Variants in LIPN observed in about 807,000 individuals in gnomAD.
LIPN encodes the protein lipase family member N, also known as lipase member N.
A neutral mutation model predicts 43.7 loss-of-function variants in LIPN; 32 were observed. That is an observed-to-expected ratio of 0.73 (90% CI 0.55 to 0.98). The LOEUF (loss-of-function observed/expected upper bound fraction) is 0.98, where lower values mean the gene tolerates loss of function less well. Ranked by LOEUF, LIPN falls within the 50% of genes least tolerant of loss-of-function variation. The pLI is 0.00. For missense variants in LIPN, 505 were observed against 483.8 expected (o/e 1.04, Z -0.41); for synonymous variants, 156 against 157.6 (o/e 0.99, Z 0.08).
rs770938795 is a variant in LIPN at position 88,764,483 on chromosome 10, TG to T, written c.302del (p.Gly101GlufsTer7). On this transcript the variant is annotated frameshift_variant, in exon 4 of 10. Coordinates refer to ENST00000404459, the MANE Select transcript of LIPN (RefSeq NM_001102469.2). LOFTEE classifies it high-confidence loss of function. ...NAYWLENYAN[G>X]SLGFLLADAG... is the part of the protein sequence containing the mutation. Reference sequence around the variant, plus strand: ...CCTACTGGCTTGAGAATTATGCTAATGGAAGCCTTGGATTCCTTCTAGCAGA... The same window carrying T: ...CCTACTGGCTTGAGAATTATGCTAATGAAGCCTTGGATTCCTTCTAGCAGA... 187 of 1,612,306 alleles carry T rather than the reference TG, an allele frequency of 1.2e-4. No individual in the cohort carries two copies. Among genetic ancestry groups the T allele is most frequent in the Middle Eastern group, 8.2e-4 (5 of 6,076 alleles).
At chr10:88,775,750 ATT>A (rs1307244729) in intron 9 of LIPN, among the ~76,000 whole-genome samples, 1 of 151,964 alleles carries the variant, frequency 6.6e-6, no homozygotes, top group Admixed American at 6.6e-5. Context: ...TCCTGTCACC[ATT>A]TTTCTGTTCT....
chr10:88,761,601 C>A, intron 2 of LIPN, 88 bp downstream of exon 2: 1 of 858,262 alleles, frequency 1.2e-6, no homozygotes, highest in Admixed American at 2.2e-5. Context: ...AACAGAAAAT[C>A]TCTGATAAAA....
Position 88,764,574 on chromosome 10 carries a change from C to G in LIPN, c.391C>G (p.Leu131Val). 6.2e-7 allele frequency: 1 copy of G among 1,608,344 alleles called. No homozygotes were observed. The highest frequency in any genetic ancestry group is 8.5e-7 in the Non-Finnish European group (1 of 1,176,912). Residue 131 changes from leucine to valine, a missense_variant, in exon 4 of 10, where the codon CTC becomes GTC. By Grantham distance (32) the Leu-to-Val change is conservative. Coordinates refer to ENST00000404459, the MANE Select transcript of LIPN (RefSeq NM_001102469.2). ...GNTWSRRHKT[L>V]SETDEKFWAF... is the part of the protein sequence containing the mutation. Reference sequence around the variant, plus strand: ...CACTTGGTCAAGAAGACACAAAACACTCTCAGAGACAGATGAGAAATTCTG... The same window carrying G: ...CACTTGGTCAAGAAGACACAAAACAGTCTCAGAGACAGATGAGAAATTCTG...
At chr10:88,772,012 G>T (rs2134854084) in intron 7 of LIPN, among the ~76,000 whole-genome samples, 1 of 151,838 alleles carries the variant, frequency 6.6e-6, no homozygotes, top group Non-Finnish European at 1.5e-5. Context: ...GATTAGTAAT[G>T]TTGAACATTG....
At chr10:88,757,650 C>T (rs1322289653), upstream of LIPN, among the ~76,000 whole-genome samples, 1 of 152,108 alleles carries the variant, frequency 6.6e-6, no homozygotes, top group Non-Finnish European at 1.5e-5. Context: ...TAAAAGAAAG[C>T]ATGTTCTACG....
At position 88,778,153 on chromosome 10, in the gene LIPN, G is replaced by T. The variant is rs41284092; in HGVS notation, c.1108G>T (p.Asp370Tyr). The T allele has an allele frequency of 5.8e-3, 9,425 of 1,613,544 alleles. 79 individuals are homozygous for T. Among genetic ancestry groups the T allele is most frequent in the Non-Finnish European group, 5.4e-3 (6,347 of 1,179,712 alleles). ...KSLHYFKLLP[D>Y]WNHFDFVWGL... Reference sequence around the variant, plus strand: ...TCTTCATTACTTTAAGCTATTGCCAGATTGGAACCACTTTGATTTTGTCTG... The same window carrying T: ...TCTTCATTACTTTAAGCTATTGCCATATTGGAACCACTTTGATTTTGTCTG... The change falls in exon 10 of 10, where the codon GAT (aspartate) becomes TAT (tyrosine). Residue 370 changes from aspartate to tyrosine, a missense_variant. Physicochemically the swap from Asp to Tyr is radical, Grantham distance 160 (BLOSUM62 -3). Coordinates refer to ENST00000404459, the MANE Select transcript of LIPN (RefSeq NM_001102469.2).
At position 88,771,057 on chromosome 10, in the gene LIPN, T is replaced by C. The variant is rs1025309941; in HGVS notation, c.819+66T>C. 18 of 1,299,086 alleles carry C rather than the reference T, an allele frequency of 1.4e-5. No homozygotes were observed. In the African/African-American group the frequency reaches 2.7e-4, roughly 19 times the overall value. 80.5% of individuals were successfully genotyped at this position (1,299,086 alleles called of 1,614,324 possible). ...ATTCCAGCTTTCCTTTGACTCATTT[T>C]GATATATCTATTTACTGTATAAATT... On this transcript the variant is annotated intron_variant, in intron 7 of 9. Transcript: ENST00000404459.
At chr10:88,773,097 A>G (rs955926935) in intron 7 of LIPN, among the ~76,000 whole-genome samples, 13 of 152,012 alleles carry the variant, frequency 8.6e-5, no homozygotes, top group Admixed American at 2.0e-4. Flanking sequence ...TACAGATTCA[A>G]TGCAATCCCT....
At chr10:88,767,432 T>C (rs1843121064) in intron 5 of LIPN, among the ~76,000 whole-genome samples, 1 of 151,562 alleles carries the variant, frequency 6.6e-6, no homozygotes, top group Admixed American at 6.6e-5. Flanking sequence ...CCCCACAGTA[T>C]CTCCCTCTGA....
chr10:88,764,354 T>C, intron 3 of LIPN, 56 bp from the exon 4 acceptor site: 1 of 1,375,168 alleles, frequency 7.3e-7, no homozygotes, highest in South Asian at 1.3e-5. Flanking sequence ...ACTCTCACTC[T>C]TTCTCTCTCT....
chr10:88,767,483 A>C (rs1262230514), intron 5 of LIPN, among the ~76,000 whole-genome samples: 2 of 151,598 alleles, frequency 1.3e-5, no homozygotes, highest in Admixed American at 6.6e-5. Flanking sequence ...CATCTCATAG[A>C]AGAAGAAACA....
chr10:88,765,091 G>A (rs538257391), intron 4 of LIPN, among the ~76,000 whole-genome samples: 2 of 152,088 alleles, frequency 1.3e-5, no homozygotes, highest in Admixed American at 1.3e-4. Context: ...TATTGATTTA[G>A]AGAAACTGTG....
chr10:88,768,069 T>A (rs1434225155), intron 5 of LIPN, among the ~76,000 whole-genome samples: 1 of 146,918 alleles, frequency 6.8e-6, no homozygotes, highest in Non-Finnish European at 1.5e-5. Flanking sequence ...CACATGCCAG[T>A]GGAGGCCCAG....
Position 88,775,271 on chromosome 10 carries a change from T to C in LIPN, c.963+108T>C, listed in dbSNP as rs72807355. On this transcript the variant is annotated intron_variant, in intron 9 of 9. Coordinates refer to ENST00000404459, the MANE Select transcript of LIPN (RefSeq NM_001102469.2). ...TGTCATTTGGTGGCATTTATACTGA[T>C]AGAACTTTTTTTTAAAAAAATTTTA... 4.6e-3 allele frequency: 2,623 copies of C among 572,076 alleles called. 10 individuals carry two copies. Among genetic ancestry groups the C allele is most frequent in the Non-Finnish European group, 6.4e-3 (2,258 of 354,046 alleles). 35.4% of individuals were successfully genotyped at this position (572,076 alleles called of 1,614,324 possible).
At chr10:88,762,442 G>C (rs1843018498) in intron 3 of LIPN, 137 bp downstream of exon 3, 1 of 628,646 alleles carries the variant, frequency 1.6e-6, no homozygotes, top group Admixed American at 2.5e-5. Context: ...ATAGTTATCA[G>C]GGAGGCTCAC....
At chr10:88,760,238 C>T (rs1842976228) in intron 1 of LIPN, among the ~76,000 whole-genome samples, 132 bp downstream of exon 1, 1 of 151,920 alleles carries the variant, frequency 6.6e-6, no homozygotes, top group South Asian at 2.1e-4. Flanking sequence ...GGCTCTGTGA[C>T]CTTGAGCAGG....
intron 5 of LIPN, among the ~76,000 whole-genome samples, chr10:88,766,789 A>G (rs1375824634): frequency 6.6e-6 from 1 of 152,006 alleles, no homozygotes; most frequent in Non-Finnish European, 1.5e-5. Flanking sequence ...GGATTTTTAA[A>G]AAATAAAAGG....
At chr10:88,765,572 T>C (rs745389347) in intron 4 of LIPN, among the ~76,000 whole-genome samples, 2 of 151,896 alleles carry the variant, frequency 1.3e-5, no homozygotes, top group Non-Finnish European at 2.9e-5. Context: ...AATACTTGAT[T>C]TGACTAAATG....
In LIPN at chr10:88,765,083, T is replaced by C. The variant is rs577476270; in HGVS notation, c.425+475T>C. On this transcript the variant is annotated intron_variant, in intron 4 of 9. Coordinates refer to ENST00000404459, the MANE Select transcript of LIPN (RefSeq NM_001102469.2). ...AAAGATGATTTGGACCAGGACCTTA[T>C]TGATTTAGAGAAACTGTGATTGATT... is the stretch of plus-strand genomic sequence containing the variant. Among the ~76,000 whole-genome samples the C allele has an allele frequency of 1.2e-4, 19 of 152,138 alleles. 2 individuals are homozygous for C. Among genetic ancestry groups the C allele is most frequent in the African/African-American group, 4.3e-4 (18 of 41,544 alleles).
Sources: allele counts gnomAD v4.1 joint callset (sites outside exome capture counted in the v4.1 genomes callset), GRCh38; gene constraint gnomAD v4.1.1; transcripts MANE v1.5; gene names NCBI Gene and HGNC (gene_info 2026-07-23, HGNC 2026-07-21).